TMEM50B: variants seen among roughly 807,000 people sequenced by gnomAD.
The protein encoded by TMEM50B is HCV p7-trans-regulated protein 3.
A neutral mutation model predicts 23.4 loss-of-function variants in TMEM50B; 14 were observed. The observed-to-expected ratio is 0.60, with a 90% CI of 0.39 to 0.93. The LOEUF (loss-of-function observed/expected upper bound fraction) is 0.93, where lower values mean the gene tolerates loss of function less well. Among genes scored for constraint, TMEM50B ranks in the 40% least tolerant of loss-of-function variants. The pLI, the probability that TMEM50B is intolerant of heterozygous loss-of-function variation, is 0.00. For missense variants in TMEM50B, 159 were observed against 193.0 expected, an observed-to-expected ratio of 0.82 and a Z score of 1.04; for synonymous variants, 64 against 62.3, an observed-to-expected ratio of 1.03 and a Z score of -0.13.
chr21:33,432,725 C>T (rs947247157), exon 9 of TMEM50B: 1 of 1,614,122 alleles, frequency 6.2e-7, no homozygotes, highest in African/African-American at 1.3e-5. Context: ...CTCCACTGAG[C>T]TTCAGCAAGT....
At chr21:33,440,736 G>C (rs1407329928) in intron 7 of TMEM50B, among the ~76,000 whole-genome samples, 1 of 151,784 alleles carries the variant, frequency 6.6e-6, no homozygotes, top group African/African-American at 2.4e-5. Flanking sequence ...ACAAAGATTA[G>C]CTGGGCGTGG....
At chr21:33,460,612 T>A (rs2084208945) in intron 4 of TMEM50B, 107 bp from the exon 5 acceptor site, 2 of 478,254 alleles carry the variant, frequency 4.2e-6, no homozygotes, top group South Asian at 9.6e-5. Context: ...ATTATGCATA[T>A]CAAAGATAGT....
intron 8 of TMEM50B, among the ~76,000 whole-genome samples, chr21:33,436,082 G>C (rs1025944259): frequency 6.6e-6 from 1 of 151,630 alleles, no homozygotes; most frequent in African/African-American, 2.4e-5. Context: ...TTGTTGCCGG[G>C]TGCAGTGGCT....
intron 1 of TMEM50B, among the ~76,000 whole-genome samples, chr21:33,477,047 T>G (rs2084380187): frequency 6.6e-6 from 1 of 152,094 alleles, no homozygotes; most frequent in Non-Finnish European, 1.5e-5. Flanking sequence ...ACACCTGTAA[T>G]CCCAGCACTT....
intron 1 of TMEM50B, among the ~76,000 whole-genome samples, chr21:33,475,614 G>A (rs956283025): frequency 2.0e-5 from 3 of 151,852 alleles, no homozygotes; most frequent in Non-Finnish European, 4.4e-5. Flanking sequence ...CCAAAGTGCT[G>A]GGAATACAGG....
At chr21:33,458,530 A>T (rs758595822) in intron 5 of TMEM50B, among the ~76,000 whole-genome samples, 1 of 152,138 alleles carries the variant, frequency 6.6e-6, no homozygotes, top group Non-Finnish European at 1.5e-5. Context: ...ACACTTTCCT[A>T]TAAGATTCCA....
intron 8 of TMEM50B, among the ~76,000 whole-genome samples, chr21:33,433,600 G>A (rs1291667800): frequency 6.6e-6 from 1 of 152,044 alleles, no homozygotes; most frequent in Non-Finnish European, 1.5e-5. Flanking sequence ...TGGTTGCGGT[G>A]GTGGAGGGAG....
chr21:33,464,804 C>CAAAAAA (rs59855166), intron 4 of TMEM50B, among the ~76,000 whole-genome samples: 7 of 100,882 alleles, frequency 6.9e-5, no homozygotes, highest in East Asian at 2.7e-4. Flanking sequence ...AACTCCGTCT[C>CAAAAAA]AAAAAAAAAA....
chr21:33,443,554 TA>T (rs1206316465), intron 7 of TMEM50B, among the ~76,000 whole-genome samples: 2 of 152,110 alleles, frequency 1.3e-5, no homozygotes, highest in Non-Finnish European at 2.9e-5. Flanking sequence ...CCATTCCAAA[TA>T]TTAGAGACAC....
At position 33,455,786 on chromosome 21, in the gene TMEM50B, T is replaced by C; in HGVS notation, c.374-2A>G. 2 of 1,612,846 alleles carry C rather than the reference T, an allele frequency of 1.2e-6. No homozygotes were observed. The highest frequency in any genetic ancestry group is 1.7e-6 in the Non-Finnish European group (2 of 1,178,940). ...CTAGTCCCGGATAAACATCAGTATCTACATACACAAAGTAAAACAGATTAG... is the reference window on the plus strand; with the variant it reads ...CTAGTCCCGGATAAACATCAGTATCCACATACACAAAGTAAAACAGATTAG... On this transcript the variant is annotated splice_acceptor_variant, in intron 5 of 6. Transcript: ENST00000542230. LOFTEE classifies it high-confidence loss of function.
chr21:33,460,334 G>T, intron 5 of TMEM50B, 79 bp downstream of exon 5: 1 of 832,304 alleles, frequency 1.2e-6, no homozygotes, highest in Non-Finnish European at 2.1e-6. Context: ...ATACTAAGTT[G>T]TACTCAAGGT....
intron 1 of TMEM50B, among the ~76,000 whole-genome samples, chr21:33,472,155 G>A (rs559538528): frequency 7.4e-5 from 11 of 148,462 alleles, no homozygotes; most frequent in South Asian, 4.3e-4. Flanking sequence ...AGGCCAAGGC[G>A]GGGGGATCAC....
At chr21:33,464,384 G>A (rs1044976729) in intron 4 of TMEM50B, among the ~76,000 whole-genome samples, 2 of 151,396 alleles carry the variant, frequency 1.3e-5, no homozygotes, top group Non-Finnish European at 3.0e-5. Flanking sequence ...TTTTTTAGTA[G>A]AGACGGGGTT....
chr21:33,468,099 G>T (rs1346682747), intron 2 of TMEM50B, among the ~76,000 whole-genome samples: 1 of 149,692 alleles, frequency 6.7e-6, no homozygotes, highest in African/African-American at 2.4e-5. Context: ...ACAGAGAGTG[G>T]TTGATGGAAT....
intron 1 of TMEM50B, among the ~76,000 whole-genome samples, chr21:33,478,321 G>A (rs1223650013): frequency 1.3e-5 from 2 of 151,824 alleles, no homozygotes; most frequent in Non-Finnish European, 2.9e-5. Context: ...ATAAAAATTA[G>A]CCAGGCATGG....
chr21:33,466,769 A>T (rs889423281), intron 3 of TMEM50B, among the ~76,000 whole-genome samples: 51 of 111,670 alleles, frequency 4.6e-4, no homozygotes, highest in Middle Eastern at 3.9e-3. Flanking sequence ...GACCAGATTT[A>T]AAAATATGAG....
chr21:33,466,998 C>A lies in TMEM50B; in HGVS notation c.212+12G>T. ...AAAATCACCTTGAATAGAGAATTATCTTCATACTTACATGAAGAAAGCCAA... is the reference window on the plus strand; with the variant it reads ...AAAATCACCTTGAATAGAGAATTATATTCATACTTACATGAAGAAAGCCAA... On this transcript the variant is annotated intron_variant, in intron 3 of 6. Transcript: ENST00000542230. The A allele has an allele frequency of 2.5e-6, 4 of 1,607,392 alleles. No homozygotes were observed. In the South Asian group the frequency reaches 4.4e-5, roughly 18 times the overall value.
At chr21:33,457,634 A>G (rs889446089) in intron 5 of TMEM50B, among the ~76,000 whole-genome samples, 5 of 138,012 alleles carry the variant, frequency 3.6e-5, no homozygotes, top group Admixed American at 7.8e-5. Context: ...CTGGGCGACA[A>G]GAGTGAAACT....
chr21:33,465,421 C>T lies in TMEM50B; in HGVS notation c.213-12G>A, dbSNP rs201544273. The T allele has an allele frequency of 1.2e-6, 2 of 1,600,922 alleles. No homozygotes were observed. Among genetic ancestry groups the T allele is most frequent in the Non-Finnish European group, 1.7e-6 (2 of 1,173,676 alleles). ...ATACAGCATTTATCCTAGAACGGCA[C>T]AAAATCATCAAATGAATTTCAGTAT... On this transcript the variant is annotated splice_polypyrimidine_tract_variant and intron_variant, in intron 3 of 6. Coordinates refer to ENST00000542230, the MANE Select transcript of TMEM50B (RefSeq NM_006134.7).
Sources: gnomAD v4.1 joint callset for allele counts (sites outside exome capture counted in the v4.1 genomes callset) on GRCh38, gnomAD v4.1.1 for gene constraint, MANE v1.5 for transcripts, NCBI Gene and HGNC (gene_info 2026-07-23, HGNC 2026-07-21) for gene names.